The following PCYT1B variants were observed in gnomAD, a reference collection of about 807,000 sequenced individuals.
The protein encoded by PCYT1B is choline-phosphate cytidylyltransferase B.
Under a neutral mutation model 26.4 loss-of-function variants are expected in PCYT1B, and 10 were observed. The observed-to-expected ratio is 0.38, with a 90% CI of 0.23 to 0.64. The LOEUF (loss-of-function observed/expected upper bound fraction) is 0.64, where lower values mean the gene tolerates loss of function less well. Ranked by LOEUF, PCYT1B falls within the 30% of genes least tolerant of loss-of-function variation. The pLI, the probability that PCYT1B is intolerant of heterozygous loss-of-function variation, is 0.56. For synonymous variants in PCYT1B, 131 were observed against 108.4 expected (o/e 1.21, Z -1.29); for missense variants, 161 against 292.7 (o/e 0.55, Z 3.28).
At chrX:24,602,368 T>C (rs750809175) in intron 3 of PCYT1B, among the ~76,000 whole-genome samples, 10 of 112,074 alleles carry the variant, frequency 8.9e-5, no homozygotes, top group Non-Finnish European at 1.7e-4. Context: ...GCATATAGGA[T>C]TTTTAGGGCA....
chrX:24,569,299 G>A (rs1295195986), intron 7 of PCYT1B, among the ~76,000 whole-genome samples: 1 of 110,161 alleles, frequency 9.1e-6, no homozygotes, highest in African/African-American at 3.3e-5. Flanking sequence ...AAAATAACAA[G>A]TGTTGGTGAG....
chrX:24,568,100 G>A (rs1213680163), intron 7 of PCYT1B, among the ~76,000 whole-genome samples: 2 of 112,225 alleles, frequency 1.8e-5, no homozygotes, highest in African/African-American at 6.5e-5. Flanking sequence ...GGTACGATCT[G>A]GTTTGGTTTG....
chrX:24,635,790 T>C (rs1926251136), intron 1 of PCYT1B, among the ~76,000 whole-genome samples: 2 of 112,087 alleles, frequency 1.8e-5, no homozygotes, highest in Admixed American at 9.5e-5. Flanking sequence ...CCTGTAGCAA[T>C]AGGCAGATAA....
Position 24,562,262 on chromosome X carries a change from G to A in PCYT1B, c.*31C>T, listed in dbSNP as rs1923446821. Reference sequence around the variant, plus strand: ...TGACTCTCGCCCTCCTCCCCATCCTGCATGGTGCGGCTCTTGCCTCCCAGC... The same window carrying A: ...TGACTCTCGCCCTCCTCCCCATCCTACATGGTGCGGCTCTTGCCTCCCAGC... On this transcript the variant is annotated 3_prime_UTR_variant, in exon 8 of 8. Transcript: ENST00000379144. The A allele has an allele frequency of 1.7e-6, 2 of 1,159,450 alleles. No individual in the cohort carries two copies. The highest frequency in any genetic ancestry group is 2.3e-6 in the Non-Finnish European group (2 of 867,981).
intron 2 of PCYT1B, among the ~76,000 whole-genome samples, chrX:24,612,151 C>T (rs926440684): frequency 1.8e-5 from 2 of 112,374 alleles, no homozygotes; most frequent in African/African-American, 6.5e-5. Context: ...AGGGTGGCCT[C>T]TGGCCGACAA....
intron 1 of PCYT1B, among the ~76,000 whole-genome samples, chrX:24,638,531 T>C (rs1023993883): frequency 8.9e-6 from 1 of 112,202 alleles, no homozygotes; most frequent in African/African-American, 3.2e-5. Context: ...TGGGAGATTA[T>C]TGGAAGAAAA....
intron 1 of PCYT1B, among the ~76,000 whole-genome samples, chrX:24,642,827 C>A (rs1249619214): frequency 8.9e-6 from 1 of 111,900 alleles, no homozygotes; most frequent in Non-Finnish European, 1.9e-5. Context: ...ATTGATGTCT[C>A]TGGAAATCTG....
Position 24,612,266 on chromosome X carries a change from G to A in PCYT1B, c.218-4405C>T, listed in dbSNP as rs757050137. 5.3e-5 allele frequency among the ~76,000 whole-genome samples: 6 copies of A among 112,837 alleles called. No homozygotes were observed. In the South Asian group the frequency reaches 1.8e-3, roughly 34 times the overall value. On this transcript the variant is annotated intron_variant, in intron 2 of 7. Coordinates refer to ENST00000379144, the MANE Select transcript of PCYT1B (RefSeq NM_004845.5). ...ATCTAACAACAGTTAACCTCCAGAT[G>A]AGAACTGAGCCTGGGGTGACACCTT...
chrX:24,623,364 C>CATATATATATATATATATATATAT (rs57642734), intron 1 of PCYT1B, among the ~76,000 whole-genome samples: 1 of 79,669 alleles, frequency 1.3e-5, no homozygotes, highest in Non-Finnish European at 2.4e-5. Context: ...ATGAGATTTA[C>CATATATATATATATATATATATAT]ATATATATAT....
intron 7 of PCYT1B, among the ~76,000 whole-genome samples, chrX:24,572,034 G>T (rs1923845219): frequency 9.0e-6 from 1 of 111,211 alleles, no homozygotes; most frequent in Non-Finnish European, 1.9e-5. Context: ...TTAGGGGAGG[G>T]GAAAGGAGCA....
In PCYT1B at chrX:24,599,928, G is replaced by A. The variant is rs564172115; in HGVS notation, c.334+7817C>T. On this transcript the variant is annotated intron_variant, in intron 3 of 7. Transcript: ENST00000379144. ...TGTATTTATTTATTTATTTGTTGGA[G>A]ATGGAGTCTCACTCTGTCACCCAGG... Among the ~76,000 whole-genome samples the A allele has an allele frequency of 6.3e-5, 7 of 111,247 alleles. No individual in the cohort carries two copies. In the South Asian group the frequency reaches 2.7e-3, roughly 43 times the overall value.
At chrX:24,572,251 T>TAC (rs1359775925) in intron 7 of PCYT1B, among the ~76,000 whole-genome samples, 12 of 83,112 alleles carry the variant, frequency 1.4e-4, no homozygotes, top group African/African-American at 4.6e-4. Flanking sequence ...TCTGTCTACA[T>TAC]ACACACACGC....
intron 1 of PCYT1B, among the ~76,000 whole-genome samples, chrX:24,645,293 G>A (rs1926587197): frequency 9.0e-6 from 1 of 110,525 alleles, no homozygotes; most frequent in Non-Finnish European, 1.9e-5. Flanking sequence ...GAAGATTGTG[G>A]TTACTTTAAA....
Position 24,562,104 on chromosome X carries a change from G to A in PCYT1B, c.*189C>T, listed in dbSNP as rs764343461. ...GTCCAGCTAGAAGTCTCTGCACCTC[G>A]CCCAACTCTTCAGCTGTACGGAGAG... On this transcript the variant is annotated 3_prime_UTR_variant, in exon 8 of 8. Transcript: ENST00000379144. The A allele has an allele frequency of 4.1e-6, 5 of 1,210,369 alleles. No homozygotes were observed. Among genetic ancestry groups the A allele is most frequent in the Non-Finnish European group, 3.4e-6 (3 of 894,526 alleles).
At chrX:24,573,102 A>G (rs1319911635) in intron 7 of PCYT1B, among the ~76,000 whole-genome samples, 1 of 98,721 alleles carries the variant, frequency 1.0e-5, no homozygotes, top group African/African-American at 3.7e-5. Context: ...ACATATACAC[A>G]CACATATATA....
chrX:24,642,604 C>T (rs1321950079), intron 1 of PCYT1B, among the ~76,000 whole-genome samples: 1 of 111,984 alleles, frequency 8.9e-6, no homozygotes. Flanking sequence ...TGACTAGTAT[C>T]AATTTGCAAG....
intron 1 of PCYT1B, among the ~76,000 whole-genome samples, chrX:24,634,105 G>A (rs1209709475): frequency 1.8e-5 from 2 of 110,653 alleles, no homozygotes; most frequent in African/African-American, 6.6e-5. Context: ...ATTTTGTAGA[G>A]ATAGTGTCTT....
chrX:24,613,304 T>TA (rs1370505786), intron 2 of PCYT1B, among the ~76,000 whole-genome samples: 1 of 112,444 alleles, frequency 8.9e-6, no homozygotes, highest in Non-Finnish European at 1.9e-5. Context: ...GTTAAGCTTT[T>TA]AAAATCTTAT....
Position 24,583,893 on chromosome X carries a change from A to G in PCYT1B, c.565+3348T>C, listed in dbSNP as rs1269372040. Among the ~76,000 whole-genome samples the G allele has an allele frequency of 2.7e-5, 3 of 112,174 alleles. 1 individual carries two copies. The Admixed American group carries it at 2.8e-4, about 11-fold the overall frequency. On this transcript the variant is annotated intron_variant, in intron 5 of 7. Transcript: ENST00000379144. ...GGGAATCTCTGGCCCCACCAGACCT[A>G]CTGAATCTGAATCTGAATTTTCACA...
Sources: allele counts gnomAD v4.1 joint callset (sites outside exome capture counted in the v4.1 genomes callset), GRCh38; gene constraint gnomAD v4.1.1; transcripts MANE v1.5; gene names NCBI Gene and HGNC (gene_info 2026-07-23, HGNC 2026-07-21).